Variants in PFKFB3 observed in about 807,000 individuals in gnomAD.
PFKFB3 encodes 6-phosphofructo-2-kinase/fructose-2,6-bisphosphatase 3.
A neutral mutation model predicts 68.0 loss-of-function variants in PFKFB3; 33 were observed. That is an observed-to-expected ratio of 0.49 (90% CI 0.37 to 0.65). The LOEUF is 0.65. Among genes scored for constraint, PFKFB3 ranks in the 30% least tolerant of loss-of-function variants. PFKFB3 has a pLI of 0.00. For missense variants in PFKFB3, 586 were observed against 712.2 expected, an observed-to-expected ratio of 0.82 and a Z score of 2.02; for synonymous variants, 315 against 288.2, an observed-to-expected ratio of 1.09 and a Z score of -0.94.
chr10:6,178,798 C>T (rs1401437324), intron 1 of PFKFB3, among the ~76,000 whole-genome samples: 2 of 152,224 alleles, frequency 1.3e-5, no homozygotes, highest in Non-Finnish European at 2.9e-5. Context: ...TGTCCAGCCC[C>T]ACCTGCCCCT....
the PFKFB3 span, among the ~76,000 whole-genome samples, chr10:6,280,515 G>A: frequency 3.9e-5 from 6 of 152,284 alleles, no homozygotes; most frequent in Admixed American, 1.3e-4. Context: ...CCCTTAGATC[G>A]TGTAATGTCT....
At chr10:6,224,398 C>T (rs1384184912) in intron 13 of PFKFB3, 185 bp downstream of exon 13, 2 of 632,700 alleles carry the variant, frequency 3.2e-6, no homozygotes, top group Admixed American at 2.6e-5. Flanking sequence ...CTTCTGGGGC[C>T]TTCTCATTTT....
intron 1 of PFKFB3, among the ~76,000 whole-genome samples, chr10:6,192,664 C>CGTGTGTGT (rs34129264): frequency 0.01 from 1,338 of 128,782 alleles, 16 homozygotes; most frequent in African/African-American, 0.03. Context: ...TCCCCTCACC[C>CGTGTGTGT]GTGTGTGTGT....
At chr10:6,201,309 A>G (rs935099935), upstream of PFKFB3, among the ~76,000 whole-genome samples, 29 of 152,082 alleles carry the variant, frequency 1.9e-4, no homozygotes, top group South Asian at 8.3e-4. This position sits in a 1 kb window ranked among gnomAD's most constrained non-coding sequence, Gnocchi z 4.1. Context: ...CCCACTGCAG[A>G]AAACAAGTCC....
chr10:6,278,293 T>C, the PFKFB3 span, among the ~76,000 whole-genome samples: 7 of 151,992 alleles, frequency 4.6e-5, no homozygotes, highest in South Asian at 1.2e-3. Context: ...TTGTTGTTGT[T>C]GTTTTTAAGA....
intron 1 of PFKFB3, among the ~76,000 whole-genome samples, chr10:6,169,898 T>C (rs1408309862): frequency 6.6e-6 from 1 of 152,204 alleles, no homozygotes; most frequent in Non-Finnish European, 1.5e-5. Context: ...AGGTTCCTTT[T>C]GGTTCTGGGT....
rs1482451221 is a variant in PFKFB3 at position 6,229,752 on chromosome 10, G to A, written c.1516-3143G>A. Among the ~76,000 whole-genome samples the A allele has an allele frequency of 1.1e-4, 17 of 152,162 alleles. No individual in the cohort carries two copies. The highest frequency in any genetic ancestry group is 3.8e-4 in the East Asian group (2 of 5,196). ...CTGATCCTTTAGACCAGCAGTCCCCGACCTTTTTGGTACCAGGGACCCGTT... is the reference window on the plus strand; with the variant it reads ...CTGATCCTTTAGACCAGCAGTCCCCAACCTTTTTGGTACCAGGGACCCGTT... On this transcript the variant is annotated intron_variant, in intron 14 of 14. Coordinates refer to ENST00000379775, the MANE Select transcript of PFKFB3 (RefSeq NM_004566.4). This position sits in a 1 kb window ranked among gnomAD's most constrained non-coding sequence, Gnocchi z 4.3.
At chr10:6,167,517 A>G (rs993304343) in intron 1 of PFKFB3, among the ~76,000 whole-genome samples, 1 of 152,218 alleles carries the variant, frequency 6.6e-6, no homozygotes, top group Admixed American at 6.5e-5. Flanking sequence ...ATTTTAAGCC[A>G]TTTTAACATC....
intron 1 of PFKFB3, among the ~76,000 whole-genome samples, chr10:6,181,520 C>T (rs1365361371): frequency 1.3e-5 from 2 of 152,154 alleles, no homozygotes; most frequent in Non-Finnish European, 2.9e-5. Flanking sequence ...ATAAGCGAGA[C>T]ATAAAAAGAC....
the PFKFB3 span, among the ~76,000 whole-genome samples, chr10:6,290,354 C>T: frequency 9.3e-3 from 1,414 of 151,910 alleles, 24 homozygotes; most frequent in African/African-American, 0.032. Context: ...TCATAGATAG[C>T]TCTTATTATT....
At chr10:6,304,027 G>A in the PFKFB3 span, among the ~76,000 whole-genome samples, 5 of 152,076 alleles carry the variant, frequency 3.3e-5, no homozygotes. Flanking sequence ...GGGTCCCTGA[G>A]TCACCATGTG....
chr10:6,151,001 GAAC>G (rs1196831364), intron 1 of PFKFB3, among the ~76,000 whole-genome samples: 1 of 152,172 alleles, frequency 6.6e-6, no homozygotes, highest in East Asian at 1.9e-4. Context: ...CTCAGTCTCA[GAAC>G]AACAACAACA....
intron 1 of PFKFB3, chr10:6,163,927 G>C (rs994490704): frequency 4.6e-5 from 7 of 152,546 alleles, no homozygotes; most frequent in Non-Finnish European, 7.3e-5. Context: ...CTGGGGACCT[G>C]GGGTTGTGTT....
chr10:6,214,216 G>A (rs1370313704), intron 2 of PFKFB3, among the ~76,000 whole-genome samples: 1 of 152,206 alleles, frequency 6.6e-6, no homozygotes. Context: ...TCCGCCTCCA[G>A]TCTGATCAGT....
chr10:6,208,950 G>A (rs985205885), intron 1 of PFKFB3, among the ~76,000 whole-genome samples: 10 of 152,184 alleles, frequency 6.6e-5, no homozygotes, highest in Admixed American at 2.6e-4. Context: ...GGCAGTCTCC[G>A]TTGTACACTA....
intron 11 of PFKFB3, among the ~76,000 whole-genome samples, chr10:6,223,288 G>T (rs149879173): frequency 2.6e-5 from 4 of 152,266 alleles, no homozygotes; most frequent in East Asian, 1.9e-4. Context: ...GGTGGGGGCT[G>T]CACTTCTCTT....
the PFKFB3 span, among the ~76,000 whole-genome samples, chr10:6,307,969 C>A: frequency 6.6e-6 from 1 of 152,128 alleles, no homozygotes. Flanking sequence ...CTTCCCCATT[C>A]CTTTCTCTCA....
downstream of PFKFB3, among the ~76,000 whole-genome samples, chr10:6,236,308 G>C (rs2132069016): frequency 6.6e-6 from 1 of 152,368 alleles, no homozygotes; most frequent in Admixed American, 6.5e-5. Context: ...CTCAGCGTCT[G>C]CATCTCTGCA....
intron 14 of PFKFB3, among the ~76,000 whole-genome samples, chr10:6,252,332 T>A (rs998813830): frequency 2.6e-5 from 4 of 152,238 alleles, no homozygotes; most frequent in Admixed American, 1.3e-4. Context: ...TTTTTTCTTT[T>A]GATGTAGTTT....
Sources: allele counts gnomAD v4.1 joint callset (sites outside exome capture counted in the v4.1 genomes callset), GRCh38; gene constraint gnomAD v4.1.1; non-coding constraint Gnocchi (gnomAD v3.1); transcripts MANE v1.5; gene names NCBI Gene and HGNC (gene_info 2026-07-23, HGNC 2026-07-21).